ABR: variants seen among roughly 807,000 people sequenced by gnomAD.
ABR encodes the protein ABR activator of RhoGEF and GTPase, also known as active breakpoint cluster region-related protein.
Under a neutral mutation model 107.2 loss-of-function variants are expected in ABR, and 35 were observed. The ratio of observed to expected loss-of-function variants is 0.33; its 90% CI spans 0.25 to 0.43. ABR has a LOEUF of 0.43. Ranked by LOEUF, ABR falls within the 20% of genes least tolerant of loss-of-function variation. The probability of loss-of-function intolerance (pLI) is 1.00; values close to 1 mark genes in which losing one functional copy is unlikely to be tolerated. For synonymous variants in ABR, 498 were observed against 462.0 expected (o/e 1.08, Z -1.00); for missense variants, 815 against 1,115.2 (o/e 0.73, Z 3.83).
chr17:1,162,754 C>G (rs188463319), intron 1 of ABR, among the ~76,000 whole-genome samples: 19 of 145,156 alleles, frequency 1.3e-4, no homozygotes, highest in Non-Finnish European at 2.3e-4. Flanking sequence ...GCCAAGCACC[C>G]CGGCTCACAC....
chr17:1,034,833 C>T (rs778776827), intron 16 of ABR, among the ~76,000 whole-genome samples: 9 of 152,232 alleles, frequency 5.9e-5, no homozygotes, highest in Non-Finnish European at 1.0e-4. Context: ...GTGCAGACTG[C>T]GAGAATGCAC....
chr17:1,048,285 C>A (rs542304842), intron 16 of ABR, among the ~76,000 whole-genome samples: 1 of 152,244 alleles, frequency 6.6e-6, no homozygotes, highest in Non-Finnish European at 1.5e-5. Flanking sequence ...TTTAGGAACA[C>A]GGGGCGTATG....
chr17:1,198,983 G>A (rs2042622106), intron 1 of ABR, among the ~76,000 whole-genome samples: 1 of 148,882 alleles, frequency 6.7e-6, no homozygotes, highest in African/African-American at 2.5e-5. Context: ...GAACCTGGGA[G>A]GCAGAGGTTG....
At chr17:1,016,116 A>T (rs1048978244) in intron 16 of ABR, among the ~76,000 whole-genome samples, 1 of 152,218 alleles carries the variant, frequency 6.6e-6, no homozygotes, top group African/African-American at 2.4e-5. Context: ...GCGTTACACC[A>T]TTCTTTAACC....
At chr17:1,211,565 C>T (rs1275721810) in intron 1 of ABR, among the ~76,000 whole-genome samples, 1 of 152,234 alleles carries the variant, frequency 6.6e-6, no homozygotes, top group East Asian at 1.9e-4. Context: ...CCTCATTAAT[C>T]CCCACAACAT....
intron 1 of ABR, among the ~76,000 whole-genome samples, chr17:1,227,738 C>A (rs1410985009): frequency 6.6e-6 from 1 of 152,124 alleles, no homozygotes. Flanking sequence ...TTCCGCGTGG[C>A]TGAGGAGACC....
At chr17:1,130,609 C>T (rs12951410) in intron 1 of ABR, among the ~76,000 whole-genome samples, 93 of 152,252 alleles carry the variant, frequency 6.1e-4, no homozygotes, top group African/African-American at 1.9e-3. Context: ...GTGGCCCCCC[C>T]ACAAGGTATG....
intron 1 of ABR, chr17:1,153,726 AGGGCTGGGGGTCCAGGCACACCTGC>A (rs2040919265): frequency 6.5e-6 from 1 of 152,930 alleles, no homozygotes; most frequent in African/African-American, 3.3e-5. Context: ...CACCTACGGG[AGGGCTGGGGGTCCAGGCACACCTGC>A]GGGAGGGCTG....
intron 1 of ABR, among the ~76,000 whole-genome samples, chr17:1,155,550 G>A (rs2245794): frequency 0.16 from 24,330 of 152,166 alleles, 2,246 homozygotes; most frequent in African/African-American, 0.25. Context: ...CGGGGGAACC[G>A]CACGTCATCA....
At chr17:1,136,951 C>T (rs1245781396) in intron 1 of ABR, among the ~76,000 whole-genome samples, 7 of 152,172 alleles carry the variant, frequency 4.6e-5, no homozygotes, top group East Asian at 1.9e-4. Context: ...GGAGAGGCTC[C>T]GCTTCCAGCC....
intron 1 of ABR, among the ~76,000 whole-genome samples, chr17:1,170,341 C>A (rs575055480): frequency 6.6e-6 from 1 of 152,084 alleles, no homozygotes; most frequent in South Asian, 2.1e-4. Context: ...GGTAAGAGTG[C>A]GGGAGAAAGA....
chr17:1,047,512 C>T (rs538538238), intron 16 of ABR, among the ~76,000 whole-genome samples: 2 of 152,314 alleles, frequency 1.3e-5, no homozygotes, highest in East Asian at 1.9e-4. Context: ...GGTTCTGCAG[C>T]GGAGGGCCAG....
intron 1 of ABR, among the ~76,000 whole-genome samples, chr17:1,203,192 C>T (rs1372872142): frequency 6.6e-6 from 1 of 152,006 alleles, no homozygotes; most frequent in East Asian, 1.9e-4. Flanking sequence ...AGCCCCATTC[C>T]TTTTAAAAGG....
At position 1,010,506 on chromosome 17, in the gene ABR, G is replaced by A. The variant is rs1191374515; in HGVS notation, c.2236+223C>T. On this transcript the variant is annotated intron_variant, in intron 20 of 22. Coordinates refer to ENST00000302538, the MANE Select transcript of ABR (RefSeq NM_021962.5). This position sits in a 1 kb window ranked among gnomAD's most constrained non-coding sequence, Gnocchi z 4.1. ...TAGGAAGCAGAAGGGGCTGCCCATG[G>A]GGACATCAGGGGCAAGAGGCAGGCG... 6 of 589,616 alleles carry A rather than the reference G, an allele frequency of 1.0e-5. No homozygotes were observed. The highest frequency in any genetic ancestry group is 1.8e-5 in the Non-Finnish European group (6 of 338,250). 36.5% of individuals were successfully genotyped at this position (589,616 alleles called of 1,614,324 possible). A position where few individuals can be genotyped will look rare whatever the true frequency, so the allele number is the denominator to read the frequency against.
At chr17:1,175,179 A>G (rs1479182503) in intron 1 of ABR, among the ~76,000 whole-genome samples, 1 of 152,198 alleles carries the variant, frequency 6.6e-6, no homozygotes, top group East Asian at 1.9e-4. Flanking sequence ...TGGGAAGCCG[A>G]GGCGGGTGGA....
intron 16 of ABR, among the ~76,000 whole-genome samples, chr17:1,018,223 T>C (rs919856680): frequency 6.6e-6 from 1 of 151,790 alleles, no homozygotes. Context: ...TTTGTATTTT[T>C]AGTAGAGACG....
At chr17:1,188,505 G>A (rs1207600979), upstream of ABR, among the ~76,000 whole-genome samples, 2 of 150,176 alleles carry the variant, frequency 1.3e-5, no homozygotes, top group Non-Finnish European at 1.5e-5. Flanking sequence ...AACCAAGATC[G>A]CACCACTGTA....
rs1407510346 is a variant in ABR, at chr17:1,200,446, A to G, written c.838+28347T>C. Among the ~76,000 whole-genome samples, 1 of 152,144 alleles carries G rather than the reference A, an allele frequency of 6.6e-6. No individual in the cohort carries two copies. The highest frequency in any genetic ancestry group is 1.5e-5 in the Non-Finnish European group (1 of 68,034). On this transcript the variant is annotated intron_variant, in intron 1 of 22. Coordinates refer to the ABR transcript ENST00000574139. The surrounding 1 kb of genome is among the most constrained non-coding windows in gnomAD (Gnocchi z 4.1). ...ACATGTAACTATTACAGCACCTTATATAAGAGACTTGGGCGTCCTGGGATT... is the reference window on the plus strand; with the variant it reads ...ACATGTAACTATTACAGCACCTTATGTAAGAGACTTGGGCGTCCTGGGATT...
chr17:1,041,077 G>A (rs113088615), intron 16 of ABR, among the ~76,000 whole-genome samples: 3,054 of 152,080 alleles, frequency 0.02, 113 homozygotes, highest in African/African-American at 0.07. Flanking sequence ...GCACCATCAC[G>A]CCCGGCTGAT....
Sources: gnomAD v4.1 joint callset for allele counts (sites outside exome capture counted in the v4.1 genomes callset) on GRCh38, gnomAD v4.1.1 for gene constraint, Gnocchi (gnomAD v3.1) non-coding constraint, MANE v1.5 for transcripts, NCBI Gene and HGNC (gene_info 2026-07-23, HGNC 2026-07-21) for gene names.